RANBP17: variants seen among roughly 807,000 people sequenced by gnomAD.
The protein encoded by RANBP17 is ran-binding protein 17.
A neutral mutation model predicts 141.2 loss-of-function variants in RANBP17; 158 were observed. The ratio of observed to expected loss-of-function variants is 1.12; its 90% CI spans 0.98 to 1.28. The LOEUF (loss-of-function observed/expected upper bound fraction) is 1.28. RANBP17 is among the 50% of genes most tolerant of loss of function. The pLI, the probability that RANBP17 is intolerant of heterozygous loss-of-function variation, is 0.00. For synonymous variants in RANBP17, 430 were observed against 450.0 expected (o/e 0.96, Z 0.56); for missense variants, 1,438 against 1,290.7 (o/e 1.11, Z -1.75).
intron 5 of RANBP17, among the ~76,000 whole-genome samples, chr5:170,897,547 C>G (rs1770240145): frequency 6.6e-6 from 1 of 151,980 alleles, no homozygotes; most frequent in South Asian, 2.1e-4. Context: ...TCCCCTAATG[C>G]TATCCCTCCC....
intron 14 of RANBP17, among the ~76,000 whole-genome samples, chr5:171,021,165 T>G (rs1780828615): frequency 6.6e-6 from 1 of 152,224 alleles, no homozygotes; most frequent in Non-Finnish European, 1.5e-5. Context: ...GGCTTCCCTT[T>G]GTAAGTAACG....
At chr5:171,148,735 T>G (rs532064298) in intron 14 of RANBP17, among the ~76,000 whole-genome samples, 10 of 152,288 alleles carry the variant, frequency 6.6e-5, no homozygotes, top group African/African-American at 1.9e-4. Context: ...GATATGTGAC[T>G]CAATAGACAC....
chr5:171,252,685 G>A, intron 24 of RANBP17: 1 of 1,451,900 alleles, frequency 6.9e-7, no homozygotes, highest in Non-Finnish European at 9.7e-7. Context: ...CACTTCAGGT[G>A]ATGCCACCAA....
chr5:171,172,754 A>C (rs1372101357), intron 16 of RANBP17, among the ~76,000 whole-genome samples: 1 of 151,752 alleles, frequency 6.6e-6, no homozygotes, highest in East Asian at 1.9e-4. Flanking sequence ...GTATAAAATT[A>C]ATTTGATTTG....
chr5:171,259,261 T>C (rs1766125291), intron 24 of RANBP17, among the ~76,000 whole-genome samples: 1 of 152,188 alleles, frequency 6.6e-6, no homozygotes, highest in South Asian at 2.1e-4. Flanking sequence ...ACTCGTACAC[T>C]GTTGGTGGGA....
intron 20 of RANBP17, 25 bp from the exon 21 acceptor site, chr5:171,213,606 A>C (rs201674811): frequency 7.8e-6 from 12 of 1,545,138 alleles, no homozygotes; most frequent in Non-Finnish European, 1.1e-5. Flanking sequence ...TAGACCCTTA[A>C]ATTCTTTAAC....
intron 18 of RANBP17, among the ~76,000 whole-genome samples, chr5:171,195,160 C>T (rs542465233): frequency 6.6e-6 from 1 of 152,092 alleles, no homozygotes; most frequent in African/African-American, 2.4e-5. Context: ...TGGCACTTTA[C>T]CTTCAAATCA....
chr5:171,112,840 A>G (rs868674389), intron 14 of RANBP17, among the ~76,000 whole-genome samples: 14 of 152,208 alleles, frequency 9.2e-5, no homozygotes, highest in Middle Eastern at 3.4e-3. Flanking sequence ...GAGGAATTAA[A>G]CAAAGCTCTA....
chr5:170,960,699 T>C (rs1776071284), intron 13 of RANBP17, among the ~76,000 whole-genome samples: 1 of 152,216 alleles, frequency 6.6e-6, no homozygotes, highest in Non-Finnish European at 1.5e-5. Context: ...GTAATCTTTC[T>C]AAAGTACAGA....
rs1767113411 is a variant in RANBP17, at chr5:171,271,455, AT to A, written c.2943+5612del. The stretch of plus-strand genomic sequence containing the variant: ...AGTCGCATATTTAACTGATGTTGAG[AT>A]TTTGGCCTACAGGAACCTTAGCAAG... On this transcript the variant is annotated intron_variant, in intron 25 of 27. Transcript: ENST00000523189. 5 of 209,512 alleles carry A rather than the reference AT, an allele frequency of 2.4e-5. No homozygotes were observed. The South Asian group carries it at 7.5e-4, about 31-fold the overall frequency. The allele number at this position is 209,512 out of a possible 1,614,324, so 13.0% of individuals were successfully genotyped here.
intron 26 of RANBP17, among the ~76,000 whole-genome samples, 184 bp downstream of exon 26, chr5:171,294,165 T>C (rs2128045580): frequency 6.6e-6 from 1 of 152,274 alleles, no homozygotes; most frequent in South Asian, 2.1e-4. Flanking sequence ...TCAGATCTTC[T>C]TCAGGTAAGC....
At chr5:170,875,480 C>T (rs1581026536) in intron 1 of RANBP17, among the ~76,000 whole-genome samples, 1 of 152,146 alleles carries the variant, frequency 6.6e-6, no homozygotes, top group African/African-American at 2.4e-5. Flanking sequence ...GGTCTTTTTA[C>T]GTAGTCCCAT....
At chr5:171,163,458 C>T (rs1333213172) in intron 14 of RANBP17, among the ~76,000 whole-genome samples, 2 of 152,174 alleles carry the variant, frequency 1.3e-5, no homozygotes, top group Non-Finnish European at 2.9e-5. Flanking sequence ...CTCTCCTCCT[C>T]CCTCCTCTAC....
intron 14 of RANBP17, among the ~76,000 whole-genome samples, chr5:171,144,517 A>G (rs1757911601): frequency 6.6e-6 from 1 of 152,242 alleles, no homozygotes; most frequent in Non-Finnish European, 1.5e-5. Context: ...GGAAAAAAAT[A>G]CAAACTGCAG....
chr5:171,174,784 G>GTA (rs1420854253), intron 16 of RANBP17, among the ~76,000 whole-genome samples: 2 of 150,688 alleles, frequency 1.3e-5, no homozygotes, highest in Non-Finnish European at 3.0e-5. Context: ...GTGTGTGTGT[G>GTA]TGTGTGTGTA....
chr5:170,916,525 C>T lies in RANBP17; in HGVS notation c.895C>T (p.Arg299Cys), dbSNP rs202035694. The change falls in exon 9 of 28, where the codon CGT becomes TGT. Residue 299 changes from arginine to cysteine, a missense_variant. Arg to Cys is a radical substitution (Grantham distance 180). Coordinates refer to ENST00000523189, the MANE Select transcript of RANBP17 (RefSeq NM_022897.5). ...TRRSLFNSPERAKYLGNLIKG... is the reference protein window; with the variant it reads ...TRRSLFNSPECAKYLGNLIKG... The stretch of plus-strand genomic sequence containing the variant: ...AAGGTCCTTATTTAACAGTCCTGAA[C>T]GTGCCAAGTACCTTGGTAATTTAAT... The T allele has an allele frequency of 6.2e-5, 98 of 1,586,642 alleles. No homozygotes were observed. Among genetic ancestry groups the T allele is most frequent in the Non-Finnish European group, 7.7e-5 (90 of 1,162,974 alleles).
intron 14 of RANBP17, among the ~76,000 whole-genome samples, chr5:170,971,370 A>G (rs1193322166): frequency 1.3e-5 from 2 of 152,198 alleles, no homozygotes; most frequent in Non-Finnish European, 2.9e-5. Context: ...TGTCACAAAA[A>G]TGCTATGAAA....
chr5:170,882,721 G>A (rs1327521525), intron 3 of RANBP17, among the ~76,000 whole-genome samples: 1 of 152,148 alleles, frequency 6.6e-6, no homozygotes, highest in African/African-American at 2.4e-5. Flanking sequence ...ATAAAAGCAG[G>A]TTCTTATTAG....
intron 5 of RANBP17, chr5:170,904,221 CT>C (rs1770893330): frequency 7.3e-6 from 2 of 275,300 alleles, no homozygotes; most frequent in African/African-American, 2.3e-5. Flanking sequence ...TCATTATTAG[CT>C]TTAGCAAATA....
Sources: allele counts gnomAD v4.1 joint callset (sites outside exome capture counted in the v4.1 genomes callset), GRCh38; gene constraint gnomAD v4.1.1; transcripts MANE v1.5; gene names NCBI Gene and HGNC (gene_info 2026-07-23, HGNC 2026-07-21).